The following RNF207 variants were observed in gnomAD, a reference collection of about 807,000 sequenced individuals.
RNF207 encodes OTTHUMG00000001089.
RNF207 carries 72 observed loss-of-function variants against 79.0 expected under a neutral mutation model. The ratio of observed to expected loss-of-function variants is 0.91; its 90% CI spans 0.75 to 1.11. The LOEUF is 1.11. RNF207 is among the 50% of genes least tolerant of loss of function. RNF207 has a pLI of 0.00. For synonymous variants in RNF207, 348 were observed against 366.2 expected (o/e 0.95, Z 0.57); for missense variants, 936 against 855.8 (o/e 1.09, Z -1.17).
rs1456759518 is a variant in RNF207 at position 6,209,082 on chromosome 1, C to T, written c.470-33C>T. 7 of 1,547,060 alleles carry T rather than the reference C, an allele frequency of 4.5e-6. 1 individual carries two copies. The highest frequency in any genetic ancestry group is 4.9e-5 in the East Asian group (2 of 40,894). ...GGGTGGGGGCGGGGCGGGCACTGACCGGAGCCCTCACCACCGCCCGCCGCC... is the reference window on the plus strand; with the variant it reads ...GGGTGGGGGCGGGGCGGGCACTGACTGGAGCCCTCACCACCGCCCGCCGCC... On this transcript the variant is annotated intron_variant, in intron 4 of 17. Coordinates refer to ENST00000377939, the MANE Select transcript of RNF207 (RefSeq NM_207396.3).
At chr1:6,216,491 C>T (rs1192781159) in intron 16 of RNF207, among the ~76,000 whole-genome samples, 6 of 152,096 alleles carry the variant, frequency 3.9e-5, no homozygotes, top group Non-Finnish European at 8.8e-5. Context: ...CCAGTCGCAG[C>T]GAGCCCTCCC....
At position 6,211,712 on chromosome 1, in the gene RNF207, T is replaced by TG. The variant is rs1261247218; in HGVS notation, c.1110-154dup. ...AGATGTGGATGTCCGGGTGAGGCCTTGCCTCAGCCTTTTCAAATCTCCTGG... is the reference window on the plus strand; with the variant it reads ...AGATGTGGATGTCCGGGTGAGGCCTTGGCCTCAGCCTTTTCAAATCTCCTGG... On this transcript the variant is annotated intron_variant, in intron 12 of 17. Transcript: ENST00000377939. This position sits in a 1 kb window ranked among gnomAD's most constrained non-coding sequence, Gnocchi z 4.2. Among the ~76,000 whole-genome samples, 5 of 152,252 alleles carry TG rather than the reference T, an allele frequency of 3.3e-5. 1 individual carries two copies. The highest frequency in any genetic ancestry group is 6.8e-3 in the Middle Eastern group (2 of 294).
intron 3 of RNF207, chr1:6,208,027 G>GCA (rs1667983236): frequency 1.3e-5 from 4 of 306,622 alleles, no homozygotes; most frequent in Non-Finnish European, 2.6e-5. Context: ...CAAGTGCTGA[G>GCA]CAATGTGTGA....
chr1:6,212,488 C>T (rs1328240431), intron 14 of RNF207, 72 bp downstream of exon 14: 7 of 1,449,146 alleles, frequency 4.8e-6, no homozygotes, highest in African/African-American at 4.2e-5. Context: ...AGACAGTAAG[C>T]GGGGAAAGAG....
In RNF207 at chr1:6,209,125, A is replaced by G; in HGVS notation, c.480A>G (p.Ala160=). ...RDVPQKCTLH[A]EPYLLFSTDK... is the part of the protein sequence containing the mutation. ...CCGCCGCCCCCGCAGCGCTGCACGC[A>G]GAGCCCTACCTCTTGTTCTCCACCG... The change falls in exon 5 of 18, where the codon GCA becomes GCG. Residue 160 remains alanine, a synonymous_variant. Transcript: ENST00000377939. 1 of 1,554,720 alleles carries G rather than the reference A, an allele frequency of 6.4e-7. No individual in the cohort carries two copies. Among genetic ancestry groups the G allele is most frequent in the Non-Finnish European group, 8.7e-7 (1 of 1,148,954 alleles).
At chr1:6,216,844 A>T (rs1325398184) in intron 16 of RNF207, among the ~76,000 whole-genome samples, 3 of 151,814 alleles carry the variant, frequency 2.0e-5, no homozygotes, top group African/African-American at 7.3e-5. Flanking sequence ...CTGGGATTAC[A>T]GGCGTGAGCC....
intron 10 of RNF207, 26 bp downstream of exon 10, chr1:6,210,464 GC>G: frequency 1.3e-6 from 2 of 1,587,122 alleles, no homozygotes; most frequent in African/African-American, 1.3e-5. Flanking sequence ...TCCTGCAGAT[GC>G]CCCCTCCCCA....
rs1235863437 is a variant in RNF207 at position 6,221,216 on chromosome 1, T to A, written c.*1809T>A. ...GGTTGAGTGAAATCAAGTGCAGTTT[T>A]ATTTAAGAACTGGAAAGAATAATCA... is the stretch of plus-strand genomic sequence containing the variant. On this transcript the variant is annotated 3_prime_UTR_variant, in exon 18 of 18. Coordinates refer to ENST00000377939, the MANE Select transcript of RNF207 (RefSeq NM_207396.3). 3 of 152,640 alleles carry A rather than the reference T, an allele frequency of 2.0e-5. No individual in the cohort carries two copies. Among genetic ancestry groups the A allele is most frequent in the Non-Finnish European group, 2.9e-5 (2 of 68,046 alleles). 9.5% of individuals were successfully genotyped at this position (152,640 alleles called of 1,614,324 possible).
At chr1:6,213,249 G>A (rs757146907) in intron 16 of RNF207, 66 bp downstream of exon 16, 25 of 1,047,884 alleles carry the variant, frequency 2.4e-5, no homozygotes, top group African/African-American at 4.7e-5. Context: ...GGCTGGGTGC[G>A]GTGGCTCACG....
Position 6,206,583 on chromosome 1 carries a change from T to A in RNF207, c.48T>A (p.Asp16Glu). 1.2e-6 allele frequency: 2 copies of A among 1,602,894 alleles called. No homozygotes were observed. Among genetic ancestry groups the A allele is most frequent in the Non-Finnish European group, 1.7e-6 (2 of 1,179,332 alleles). ...CCCTGGAGGGCCCGAGCTCCCTGGA[T>A]GCCCCGAGCATCCACCCGCTGGTGT... ...FGPLEGPSSL[D>E]APSIHPLVCP... The change falls in exon 2 of 18, where the codon GAT (aspartate) becomes GAA (glutamate). Residue 16 changes from aspartate to glutamate, a missense_variant. By Grantham distance (45) the Asp-to-Glu change is conservative. Transcript: ENST00000377939.
In RNF207 at chr1:6,207,988, G is replaced by A. The variant is rs1170089948; in HGVS notation, c.324+477G>A. On this transcript the variant is annotated intron_variant, in intron 3 of 17. Transcript: ENST00000377939. This position sits in a 1 kb window ranked among gnomAD's most constrained non-coding sequence, Gnocchi z 4.5. ...ATCGGGAATCCCAGGAGGACGGCCCGACTGGGGCAAAAGCTCCAGCGTTCT... is the reference window on the plus strand; with the variant it reads ...ATCGGGAATCCCAGGAGGACGGCCCAACTGGGGCAAAAGCTCCAGCGTTCT... 2 of 330,584 alleles carry A rather than the reference G, an allele frequency of 6.0e-6. No homozygotes were observed. Among genetic ancestry groups the A allele is most frequent in the East Asian group, 7.6e-5 (1 of 13,212 alleles). 20.5% of individuals were successfully genotyped at this position (330,584 alleles called of 1,614,324 possible).
rs369466699 is a variant in RNF207 at position 6,212,017 on chromosome 1, C to T, written c.1260C>T (p.Phe420=). 1.5e-5 allele frequency: 24 copies of T among 1,593,862 alleles called. No individual in the cohort carries two copies. Among genetic ancestry groups the T allele is most frequent in the South Asian group, 3.4e-5 (3 of 88,662 alleles). ...TGGCGGAGGGCGAGAACACGCCCTTCGCAGAGCACTGCCGCCACTATGAGG... is the reference window on the plus strand; with the variant it reads ...TGGCGGAGGGCGAGAACACGCCCTTTGCAGAGCACTGCCGCCACTATGAGG... ...VLLAEGENTP[F]AEHCRHYEDS... is the part of the protein sequence containing the mutation. Residue 420 remains phenylalanine (F), a synonymous_variant, in exon 13 of 18, where the codon TTC becomes TTT. Transcript: ENST00000377939.
intron 10 of RNF207, 42 bp downstream of exon 10, chr1:6,210,480 G>C (rs759765809): frequency 1.7e-5 from 26 of 1,528,236 alleles, no homozygotes; most frequent in Non-Finnish European, 2.3e-5. Flanking sequence ...TCCCCACCAG[G>C]AGCCCACCCT....
At position 6,219,459 on chromosome 1, in the gene RNF207, G is replaced by A. The variant is rs1571217902; in HGVS notation, c.*52G>A. The A allele has an allele frequency of 1.5e-6, 2 of 1,315,566 alleles. No individual in the cohort carries two copies. The highest frequency in any genetic ancestry group is 2.3e-5 in the East Asian group (1 of 42,752). The allele number at this position is 1,315,566 out of a possible 1,614,324, so 81.5% of individuals were successfully genotyped here. A position where few individuals can be genotyped will look rare whatever the true frequency, so the allele number is the denominator to read the frequency against. On this transcript the variant is annotated 3_prime_UTR_variant, in exon 18 of 18. Transcript: ENST00000377939. ...GCTCTTAGAGCAGGCACAAGACTGGGACACTGGACAGAAGGTTGTTCCCAT... is the reference window on the plus strand; with the variant it reads ...GCTCTTAGAGCAGGCACAAGACTGGAACACTGGACAGAAGGTTGTTCCCAT...
chr1:6,207,160 G>C lies in RNF207; in HGVS notation c.192-219G>C, dbSNP rs1405028284. ...AGCAGCTTCTGCTTTTGATACTAGG[G>C]GACCAACCCCACTGTCTGCAGGAGT... is the stretch of plus-strand genomic sequence containing the variant. On this transcript the variant is annotated intron_variant, in intron 2 of 17. Coordinates refer to ENST00000377939, the MANE Select transcript of RNF207 (RefSeq NM_207396.3). The surrounding 1 kb of genome is among the most constrained non-coding windows in gnomAD (Gnocchi z 4.5). 1.3e-5 allele frequency among the ~76,000 whole-genome samples: 2 copies of C among 152,208 alleles called. No homozygotes were observed. The highest frequency in any genetic ancestry group is 4.8e-5 in the African/African-American group (2 of 41,450).
intron 13 of RNF207, 22 bp downstream of exon 13, chr1:6,212,075 G>GT: frequency 6.4e-7 from 1 of 1,572,592 alleles, no homozygotes; most frequent in Non-Finnish European, 8.6e-7. Flanking sequence ...GGGATCTGCC[G>GT]GAGGGGGGAG....
chr1:6,212,526 C>A, intron 14 of RNF207, 110 bp downstream of exon 14: 1 of 1,275,146 alleles, frequency 7.8e-7, no homozygotes, highest in Non-Finnish European at 1.1e-6. Context: ...ACGGGACCCT[C>A]ATGTGGCAGG....
rs185632435 is a variant in RNF207, at chr1:6,207,462, G to C, written c.275G>C (p.Gly92Ala). ...TTCCTGGTGGACAGCTCAGGGGATG[G>C]CGTGGAGGCGGTGCGCTGTGCCAAC... is the stretch of plus-strand genomic sequence containing the variant. ...LQFLVDSSGD[G>A]VEAVRCANCD... Residue 92 changes from glycine to alanine, a missense_variant, in exon 3 of 18, where the codon GGC becomes GCC. Transcript: ENST00000377939. This position sits in a 1 kb window ranked among gnomAD's most constrained non-coding sequence, Gnocchi z 4.5. 1.3e-6 allele frequency: 2 copies of C among 1,587,688 alleles called. No homozygotes were observed. The highest frequency in any genetic ancestry group is 4.5e-5 in the East Asian group (2 of 44,584).
intron 16 of RNF207, among the ~76,000 whole-genome samples, chr1:6,214,902 T>C (rs1668310156): frequency 6.6e-6 from 1 of 152,066 alleles, no homozygotes; most frequent in African/African-American, 2.4e-5. Flanking sequence ...CCCAAAGTGC[T>C]GGGCATGAGC....
Sources: allele counts gnomAD v4.1 joint callset (sites outside exome capture counted in the v4.1 genomes callset), GRCh38; gene constraint gnomAD v4.1.1; non-coding constraint Gnocchi (gnomAD v3.1); transcripts MANE v1.5; gene names NCBI Gene and HGNC (gene_info 2026-07-23, HGNC 2026-07-21).